KCNK13: variants seen among roughly 807,000 people sequenced by gnomAD.
KCNK13 encodes the protein potassium two pore domain channel subfamily K member 13.
KCNK13 carries 12 observed loss-of-function variants against 23.4 expected under a neutral mutation model. The observed-to-expected ratio is 0.51, with a 90% confidence interval of 0.33 to 0.83. The LOEUF (loss-of-function observed/expected upper bound fraction) is 0.83, where lower values mean the gene tolerates loss of function less well. Among genes scored for constraint, KCNK13 ranks in the 40% least tolerant of loss-of-function variants. The pLI is 0.02. For synonymous variants in KCNK13, 231 were observed against 229.5 expected, an observed-to-expected ratio of 1.01 and a Z score of -0.06; for missense variants, 463 against 556.3, an observed-to-expected ratio of 0.83 and a Z score of 1.69.
At position 90,185,126 on chromosome 14, in the gene KCNK13, C is replaced by G. The variant is rs1890536756; in HGVS notation, c.*123C>G. On this transcript the variant is annotated 3_prime_UTR_variant, in exon 2 of 2. Coordinates refer to ENST00000282146, the MANE Select transcript of KCNK13 (RefSeq NM_022054.4). ...TGGGAGCTGTTCCCGGGAGCCTCCG[C>G]AAGCATCTTTAGAAATCTGATCTCG... is the stretch of plus-strand genomic sequence containing the variant. 2.3e-6 allele frequency: 2 copies of G among 866,930 alleles called. No homozygotes were observed. Among genetic ancestry groups the G allele is most frequent in the South Asian group, 4.6e-5 (2 of 43,756 alleles). The allele number at this position is 866,930 out of a possible 1,614,324, so 53.7% of individuals were successfully genotyped here. A position where few individuals can be genotyped will look rare whatever the true frequency, so the allele number is the denominator to read the frequency against.
At chr14:90,097,462 C>A (rs1433070720) in intron 1 of KCNK13, among the ~76,000 whole-genome samples, 1 of 152,144 alleles carries the variant, frequency 6.6e-6, no homozygotes, top group Non-Finnish European at 1.5e-5. Context: ...TGACATCAAG[C>A]CATTCATGAG....
Position 90,062,641 on chromosome 14 carries a change from C to T in KCNK13, c.334+102C>T. ...ATCCTTTCATTCATCCATCTGGGCG[C>T]CCAGCCAGACTCCACTGACATGAGC... On this transcript the variant is annotated intron_variant, in intron 1 of 1. Transcript: ENST00000282146. The surrounding 1 kb of genome is among the most constrained non-coding windows in gnomAD (Gnocchi z 4.5). The T allele has an allele frequency of 1.2e-6, 1 of 867,662 alleles. No individual in the cohort carries two copies. Among genetic ancestry groups the T allele is most frequent in the Admixed American group, 3.2e-5 (1 of 31,032 alleles). 53.7% of individuals were successfully genotyped at this position (867,662 alleles called of 1,614,324 possible). A position where few individuals can be genotyped will look rare whatever the true frequency, so the allele number is the denominator to read the frequency against.
intron 1 of KCNK13, among the ~76,000 whole-genome samples, chr14:90,179,242 A>C (rs1012926471): frequency 1.3e-5 from 2 of 152,192 alleles, no homozygotes; most frequent in African/African-American, 4.8e-5. Context: ...CAGAATGTTG[A>C]TAATTTGGAA....
rs775316619 is a variant in KCNK13, at chr14:90,184,988, C to G, written c.1212C>G (p.Thr404=). The change falls in exon 2 of 2, where the codon ACC becomes ACG. Residue 404 remains threonine (T), a synonymous_variant. Coordinates refer to ENST00000282146, the MANE Select transcript of KCNK13 (RefSeq NM_022054.4). This position sits in a 1 kb window ranked among gnomAD's most constrained non-coding sequence, Gnocchi z 5.6. Reference sequence around the variant, plus strand: ...TCATGAACAACAGGTTGGCAGAGACCAGTGGGGACAGGTAGAAGCCAGGAG... The same window carrying G: ...TCATGAACAACAGGTTGGCAGAGACGAGTGGGGACAGGTAGAAGCCAGGAG... ...FAIMNNRLAE[T]SGDR is the part of the protein sequence containing the mutation. 1 of 1,590,554 alleles carries G rather than the reference C, an allele frequency of 6.3e-7. No homozygotes were observed. The highest frequency in any genetic ancestry group is 8.6e-7 in the Non-Finnish European group (1 of 1,167,618).
intron 1 of KCNK13, among the ~76,000 whole-genome samples, chr14:90,147,143 A>T (rs189789894): frequency 1.4e-4 from 21 of 152,272 alleles, no homozygotes; most frequent in Admixed American, 5.9e-4. Flanking sequence ...CTCTTATTTC[A>T]TATGTTTGTA....
intron 1 of KCNK13, among the ~76,000 whole-genome samples, chr14:90,143,708 A>T (rs983394411): frequency 3.3e-5 from 5 of 152,166 alleles, no homozygotes; most frequent in African/African-American, 1.2e-4. Flanking sequence ...ATTCAATGAG[A>T]CTCTGGGGCT....
intron 1 of KCNK13, among the ~76,000 whole-genome samples, chr14:90,114,310 C>A (rs147407715): frequency 2.0e-5 from 3 of 152,334 alleles, no homozygotes; most frequent in Non-Finnish European, 4.4e-5. Flanking sequence ...CCCCCTTGGA[C>A]TTCTCTGGGT....
chr14:90,128,888 G>T (rs2140421458), intron 1 of KCNK13, among the ~76,000 whole-genome samples: 1 of 152,196 alleles, frequency 6.6e-6, no homozygotes, highest in Non-Finnish European at 1.5e-5. Context: ...TGGACACCTT[G>T]AGCCGTCCCC....
chr14:90,158,843 G>T (rs1347446376), intron 1 of KCNK13, among the ~76,000 whole-genome samples: 1 of 152,248 alleles, frequency 6.6e-6, no homozygotes, highest in African/African-American at 2.4e-5. Flanking sequence ...GGGACAGGCC[G>T]TAAGAGGAAG....
At chr14:90,146,146 T>C (rs1278126455) in intron 1 of KCNK13, among the ~76,000 whole-genome samples, 1 of 152,198 alleles carries the variant, frequency 6.6e-6, no homozygotes, top group Admixed American at 6.5e-5. Context: ...GAATCTCTGT[T>C]ATTAGGTGCA....
At chr14:90,163,664 A>G (rs927773273) in intron 1 of KCNK13, among the ~76,000 whole-genome samples, 31 of 152,214 alleles carry the variant, frequency 2.0e-4, no homozygotes, top group African/African-American at 7.5e-4. Context: ...TGGCAGTTCC[A>G]TCTAACTTCA....
chr14:90,143,191 TTTC>T lies in KCNK13; in HGVS notation c.335-40917_335-40915del, dbSNP rs1398263971. On this transcript the variant is annotated intron_variant, in intron 1 of 1. Transcript: ENST00000282146. ...TCTTTCTTTCTTTTCTTTTCTTTTCTTTCTTTCTTTTCTTTCTTTTCTTTTTTT... is the reference window on the plus strand; with the variant it reads ...TCTTTCTTTCTTTTCTTTTCTTTTCTTTTCTTTTCTTTCTTTTCTTTTTTT... 1.5e-3 allele frequency among the ~76,000 whole-genome samples: 180 copies of T among 121,228 alleles called. 1 individual carries two copies. Among genetic ancestry groups the T allele is most frequent in the Non-Finnish European group, 2.3e-3 (125 of 55,346 alleles). The allele number at this position is 121,228 out of a possible 152,430, so 79.5% of individuals were successfully genotyped here.
chr14:90,108,901 G>A (rs1240698975), intron 1 of KCNK13, among the ~76,000 whole-genome samples: 1 of 152,178 alleles, frequency 6.6e-6, no homozygotes, highest in African/African-American at 2.4e-5. Flanking sequence ...CTTGGGCCAG[G>A]CGCAGTGGCT....
intron 1 of KCNK13, among the ~76,000 whole-genome samples, chr14:90,083,511 A>C (rs751393727): frequency 6.6e-6 from 1 of 152,190 alleles, no homozygotes; most frequent in East Asian, 1.9e-4. Context: ...TCACATGGAA[A>C]TTTAATTGCC....
chr14:90,169,508 A>C lies in KCNK13; in HGVS notation c.335-14603A>C, dbSNP rs143814973. ...ATTGTCACAGCAGCACTTTCCTTGC[A>C]TGCCTCTCTCAACATGAGAAACGAG... On this transcript the variant is annotated intron_variant, in intron 1 of 1. Transcript: ENST00000282146. Among the ~76,000 whole-genome samples, 29 of 152,336 alleles carry C rather than the reference A, an allele frequency of 1.9e-4. 1 individual carries two copies. The East Asian group carries it at 5.4e-3, about 28-fold the overall frequency.
chr14:90,081,730 C>T (rs769473946), intron 1 of KCNK13, among the ~76,000 whole-genome samples: 1 of 152,122 alleles, frequency 6.6e-6, no homozygotes, highest in Non-Finnish European at 1.5e-5. Flanking sequence ...AGCGTTTGCC[C>T]CCTGTTATGG....
Position 90,062,256 on chromosome 14 carries a change from C to T in KCNK13, c.51C>T (p.Asn17=), listed in dbSNP as rs763332574. 1 of 1,543,740 alleles carries T rather than the reference C, an allele frequency of 6.5e-7. No individual in the cohort carries two copies. The highest frequency in any genetic ancestry group is 8.7e-7 in the Non-Finnish European group (1 of 1,153,226). The change falls in exon 1 of 2, where the codon AAC becomes AAT. Residue 17 remains asparagine, a synonymous_variant. Coordinates refer to ENST00000282146, the MANE Select transcript of KCNK13 (RefSeq NM_022054.4). The surrounding 1 kb of genome is among the most constrained non-coding windows in gnomAD (Gnocchi z 4.5). ...SWGPGHLNED[N]ARFLLLAALI... The stretch of plus-strand genomic sequence containing the variant: ...GCCCGGGCCACCTGAACGAGGACAA[C>T]GCGCGCTTTCTGCTGCTGGCCGCGC...
chr14:90,121,287 T>A (rs1195940923), intron 1 of KCNK13, among the ~76,000 whole-genome samples: 1 of 152,240 alleles, frequency 6.6e-6, no homozygotes, highest in African/African-American at 2.4e-5. Flanking sequence ...AAGAATGTTT[T>A]GTAACAGGGA....
Position 90,062,096 on chromosome 14 carries a change from G to A in KCNK13, c.-110G>A, listed in dbSNP as rs1888947680. 5.6e-6 allele frequency: 4 copies of A among 713,212 alleles called. No individual in the cohort carries two copies. The highest frequency in any genetic ancestry group is 1.9e-5 in the African/African-American group (1 of 53,722). 44.2% of individuals were successfully genotyped at this position (713,212 alleles called of 1,614,324 possible). On this transcript the variant is annotated 5_prime_UTR_variant, in exon 1 of 2. Transcript: ENST00000282146. The surrounding 1 kb of genome is among the most constrained non-coding windows in gnomAD (Gnocchi z 4.5). The stretch of plus-strand genomic sequence containing the variant: ...GCGGTCATGGGCGAGCCGGCGGTGG[G>A]GCGCCCGGGAGCTGGCTGAGCGCCG...
Sources: gnomAD v4.1 joint callset for allele counts (sites outside exome capture counted in the v4.1 genomes callset) on GRCh38, gnomAD v4.1.1 for gene constraint, Gnocchi (gnomAD v3.1) non-coding constraint, MANE v1.5 for transcripts, NCBI Gene and HGNC (gene_info 2026-07-23, HGNC 2026-07-21) for gene names.